The following UNC13B variants were observed in gnomAD, a reference collection of about 807,000 sequenced individuals.
The protein encoded by UNC13B is unc-13 homolog B.
Under a neutral mutation model 211.0 loss-of-function variants are expected in UNC13B, and 144 were observed. The ratio of observed to expected loss-of-function variants is 0.68; its 90% CI spans 0.60 to 0.78. The LOEUF (loss-of-function observed/expected upper bound fraction) is 0.78, where lower values mean the gene tolerates loss of function less well. Among genes scored for constraint, UNC13B ranks in the 30% least tolerant of loss-of-function variants. UNC13B has a pLI of 0.00. For synonymous variants in UNC13B, 709 were observed against 725.8 expected (o/e 0.98, Z 0.37); for missense variants, 1,777 against 2,002.0 (o/e 0.89, Z 2.14).
intron 17 of UNC13B, 141 bp downstream of exon 17, chr9:35,378,577 T>A: frequency 8.9e-7 from 1 of 1,121,510 alleles, no homozygotes. Flanking sequence ...CGTTCAGACA[T>A]CAGCCATTCT....
intron 1 of UNC13B, among the ~76,000 whole-genome samples, chr9:35,166,378 C>T (rs907822474): frequency 6.6e-5 from 10 of 150,842 alleles, no homozygotes; most frequent in African/African-American, 2.2e-4. Context: ...GAGACCCTGT[C>T]TCAAAAAAAA....
At chr9:35,248,567 G>A (rs1298996198) in intron 6 of UNC13B, among the ~76,000 whole-genome samples, 6 of 151,940 alleles carry the variant, frequency 3.9e-5, no homozygotes, top group Non-Finnish European at 5.9e-5. Flanking sequence ...CTTTGTTCTC[G>A]TTGGTTTCAA....
intron 1 of UNC13B, among the ~76,000 whole-genome samples, chr9:35,190,474 T>A (rs1179808826): frequency 2.6e-5 from 4 of 152,176 alleles, no homozygotes; most frequent in African/African-American, 9.7e-5. Flanking sequence ...AAAACAGAAC[T>A]GAGCCTTTGA....
intron 10 of UNC13B, among the ~76,000 whole-genome samples, chr9:35,312,956 G>C (rs1830253623): frequency 6.6e-6 from 1 of 152,142 alleles, no homozygotes; most frequent in Non-Finnish European, 1.5e-5. Context: ...ATGTAAAAAG[G>C]AATGGGTAAG....
At chr9:35,315,691 C>CA (rs1188201233) in intron 11 of UNC13B, among the ~76,000 whole-genome samples, 9 of 152,254 alleles carry the variant, frequency 5.9e-5, no homozygotes, top group Non-Finnish European at 1.2e-4. Context: ...ACCATCCCAA[C>CA]AATGTCTCTT....
intron 2 of UNC13B, among the ~76,000 whole-genome samples, chr9:35,229,940 A>G (rs573100640): frequency 3.9e-5 from 6 of 152,250 alleles, no homozygotes; most frequent in African/African-American, 1.2e-4. Context: ...ATAGTTTGCT[A>G]TTTTTTCATT....
chr9:35,322,621 A>G (rs770784374), intron 11 of UNC13B, among the ~76,000 whole-genome samples: 5 of 152,170 alleles, frequency 3.3e-5, no homozygotes, highest in Non-Finnish European at 7.4e-5. Flanking sequence ...ACTCTTCTGC[A>G]AAGTTCCGTT....
At position 35,398,970 on chromosome 9, in the gene UNC13B, AGG is replaced by A; in HGVS notation, c.12012_12013del (p.Arg4004SerfsTer9). The A allele has an allele frequency of 6.2e-7, 1 of 1,614,198 alleles. No individual in the cohort carries two copies. The highest frequency in any genetic ancestry group is 8.5e-7 in the Non-Finnish European group (1 of 1,180,024). On this transcript the variant is annotated frameshift_variant, in exon 33 of 40. Transcript: ENST00000635942. LOFTEE classifies it high-confidence loss of function. ...RGTGNASPDA[R>X]ASAAQDADSV... ...CACAGGGAATGCATCTCCAGACGCC[AGG>A]GCCTCAGCGGCTCAGGATGCAGATA...
At chr9:35,338,114 A>T (rs866952190) in intron 11 of UNC13B, among the ~76,000 whole-genome samples, 2 of 152,300 alleles carry the variant, frequency 1.3e-5, no homozygotes, top group Middle Eastern at 3.4e-3. Flanking sequence ...GATCGGGTTT[A>T]TGTGAGAGGG....
intron 6 of UNC13B, among the ~76,000 whole-genome samples, chr9:35,246,289 A>G (rs1826098044): frequency 6.6e-6 from 1 of 151,876 alleles, no homozygotes; most frequent in African/African-American, 2.4e-5. Context: ...ATTTTCTCCC[A>G]TTCTGTAGGT....
At chr9:35,169,223 C>T (rs747617199) in intron 1 of UNC13B, among the ~76,000 whole-genome samples, 7 of 152,090 alleles carry the variant, frequency 4.6e-5, no homozygotes, top group African/African-American at 1.4e-4. Flanking sequence ...TGCGTGTTGA[C>T]GCATGCCGGT....
intron 19 of UNC13B, 102 bp downstream of exon 19, chr9:35,381,317 A>G (rs1443304559): frequency 9.0e-7 from 1 of 1,111,110 alleles, no homozygotes; most frequent in Non-Finnish European, 1.3e-6. Context: ...GGCCCATTTT[A>G]AATTTTATCC....
Position 35,305,463 on chromosome 9 carries a change from T to C in UNC13B, c.6059T>C (p.Met2020Thr), listed in dbSNP as rs1587581932. The change falls in exon 9 of 40, where the codon ATG becomes ACG. Residue 2020 changes from methionine to threonine, a missense_variant. Transcript: ENST00000635942. ...GAGGTCAGGTCAAGTCCTACTCCTA[T>C]GGAGCTAGCTAGCCAGGGTGCTGGG... ...KDEVRSSPTP[M>T]ELASQGAGNF... 1.0e-5 allele frequency: 4 copies of C among 398,990 alleles called. No homozygotes were observed. In the South Asian group the frequency reaches 3.8e-4, roughly 38 times the overall value. The allele number at this position is 398,990 out of a possible 1,614,324, so 24.7% of individuals were successfully genotyped here.
chr9:35,185,202 G>A (rs1337644577), intron 1 of UNC13B, among the ~76,000 whole-genome samples: 2 of 152,258 alleles, frequency 1.3e-5, no homozygotes, highest in African/African-American at 4.8e-5. Context: ...TCAGGACAGT[G>A]AGGAGGAAGT....
At chr9:35,315,406 G>T (rs1303952404) in intron 11 of UNC13B, among the ~76,000 whole-genome samples, 1 of 152,082 alleles carries the variant, frequency 6.6e-6, no homozygotes, top group African/African-American at 2.4e-5. Flanking sequence ...TTAAGGAAAA[G>T]TTGCAAAAAC....
At chr9:35,370,131 C>G (rs1834021420) in intron 12 of UNC13B, among the ~76,000 whole-genome samples, 187 bp from the exon 13 acceptor site, 1 of 152,228 alleles carries the variant, frequency 6.6e-6, no homozygotes, top group South Asian at 2.1e-4. Flanking sequence ...AGAACAGATT[C>G]TATTGCTCAC....
At chr9:35,282,856 G>A (rs1214937090) in intron 7 of UNC13B, among the ~76,000 whole-genome samples, 1 of 152,068 alleles carries the variant, frequency 6.6e-6, no homozygotes, top group Non-Finnish European at 1.5e-5. Context: ...GACTTACAGA[G>A]TTTTTTACAT....
In UNC13B at chr9:35,352,727, A is replaced by G; in HGVS notation, c.9415-14220A>G. Reference sequence around the variant, plus strand: ...GGATGAAATAAAAGGAGCATCAAGAACATCTCAAGTTATCAGTGGCAGCTG... The same window carrying G: ...GGATGAAATAAAAGGAGCATCAAGAGCATCTCAAGTTATCAGTGGCAGCTG... On this transcript the variant is annotated intron_variant, in intron 11 of 39. Coordinates refer to ENST00000635942, the MANE Select transcript of UNC13B (RefSeq NM_001371189.2). 4.1e-6 allele frequency: 5 copies of G among 1,232,180 alleles called. No homozygotes were observed. The Admixed American group carries it at 2.1e-4, about 52-fold the overall frequency. 76.3% of individuals were successfully genotyped at this position (1,232,180 alleles called of 1,614,324 possible). A position where few individuals can be genotyped will look rare whatever the true frequency, so the allele number is the denominator to read the frequency against.
chr9:35,173,218 G>A (rs760038658), intron 1 of UNC13B, among the ~76,000 whole-genome samples: 1 of 152,132 alleles, frequency 6.6e-6, no homozygotes, highest in Non-Finnish European at 1.5e-5. Flanking sequence ...TTACTTACAT[G>A]AGCCAAATTA....
Sources: allele counts gnomAD v4.1 joint callset (sites outside exome capture counted in the v4.1 genomes callset), GRCh38; gene constraint gnomAD v4.1.1; transcripts MANE v1.5; gene names NCBI Gene and HGNC (gene_info 2026-07-23, HGNC 2026-07-21).